HLTF: variants seen among roughly 807,000 people sequenced by gnomAD.
HLTF encodes helicase like transcription factor, also known as DNA-dependent ATPase/E3 ubiquitin-protein ligase HLTF.
A neutral mutation model predicts 129.4 loss-of-function variants in HLTF; 127 were observed. The observed-to-expected ratio is 0.98, with a 90% confidence interval of 0.85 to 1.14. The LOEUF is 1.14. Among genes scored for constraint, HLTF ranks in the 50% most tolerant of loss-of-function variants. HLTF has a pLI of 0.00. For synonymous variants in HLTF, 332 were observed against 388.8 expected (o/e 0.85, Z 1.72); for missense variants, 1,139 against 1,187.1 (o/e 0.96, Z 0.60).
At chr3:149,035,810 G>T (rs1715559397) in intron 23 of HLTF, among the ~76,000 whole-genome samples, 1 of 152,040 alleles carries the variant, frequency 6.6e-6, no homozygotes, top group African/African-American at 2.4e-5. Context: ...AATTAACACA[G>T]ACATGATCAT....
At chr3:149,074,077 CA>C (rs768657274) in intron 4 of HLTF, 137 bp downstream of exon 4, 2 of 714,896 alleles carry the variant, frequency 2.8e-6, no homozygotes, top group Non-Finnish European at 4.3e-6. Context: ...GAGATTTCCT[CA>C]AAAAGACTCC....
intron 8 of HLTF, among the ~76,000 whole-genome samples, chr3:149,066,228 T>C (rs1718371612): frequency 6.6e-6 from 1 of 152,120 alleles, no homozygotes; most frequent in Admixed American, 6.5e-5. Flanking sequence ...GTATTTTCAG[T>C]AGAGACAGGG....
At chr3:149,034,405 G>C (rs1715392241) in intron 24 of HLTF, among the ~76,000 whole-genome samples, 2 of 152,120 alleles carry the variant, frequency 1.3e-5, no homozygotes, top group South Asian at 4.1e-4. Context: ...AAAGTAGAAT[G>C]GTAGTTGCCA....
chr3:149,047,591 A>G (rs1716650786), intron 17 of HLTF, among the ~76,000 whole-genome samples: 1 of 152,142 alleles, frequency 6.6e-6, no homozygotes, highest in Admixed American at 6.6e-5. Flanking sequence ...GCAGTGAGCC[A>G]AGATCGCGCC....
Position 149,039,773 on chromosome 3 carries a change from A to G in HLTF, c.2503-80T>C, listed in dbSNP as rs936621219. The G allele has an allele frequency of 7.7e-6, 6 of 777,250 alleles. No homozygotes were observed. In the African/African-American group the frequency reaches 1.1e-4, roughly 14 times the overall value. The allele number at this position is 777,250 out of a possible 1,614,324, so 48.1% of individuals were successfully genotyped here. On this transcript the variant is annotated intron_variant, in intron 21 of 24. Transcript: ENST00000310053. ...TCTAAAAGTTTTTATCATAAAGAAA[A>G]GGTCCTGAAATGTTATTTCCCTAAA...
chr3:149,039,623 GA>G lies in HLTF; in HGVS notation c.2572del (p.Ser858LeufsTer9). 1.2e-6 allele frequency: 2 copies of G among 1,606,090 alleles called. No individual in the cohort carries two copies. Among genetic ancestry groups the G allele is most frequent in the Non-Finnish European group, 1.7e-6 (2 of 1,175,790 alleles). ...KNPNIKSLVV[S>X]QFTTFLSLIE... The stretch of plus-strand genomic sequence containing the variant: ...TAAAGACAGGAATGTTGTAAACTGA[GA>G]AACAACCAAACTTTTTATGTTGGGA... On this transcript the variant is annotated frameshift_variant, in exon 22 of 25. Transcript: ENST00000310053. LOFTEE classifies it high-confidence loss of function.
At chr3:149,063,590 C>A in intron 9 of HLTF, 66 bp from the exon 10 acceptor site, 1 of 895,780 alleles carries the variant, frequency 1.1e-6, no homozygotes, top group Non-Finnish European at 1.8e-6. Context: ...TATTATCCCT[C>A]TTAAAACCTT....
intron 2 of HLTF, among the ~76,000 whole-genome samples, chr3:149,082,926 C>A (rs2108076299): frequency 6.6e-6 from 1 of 152,234 alleles, no homozygotes; most frequent in Middle Eastern, 3.4e-3. Flanking sequence ...TGATAGACTT[C>A]AGAAGATTTA....
rs889211341 is a variant in HLTF, at chr3:149,041,489, C to T, written c.2376+1G>A. The T allele has an allele frequency of 1.9e-6, 3 of 1,610,492 alleles. No individual in the cohort carries two copies. In the African/African-American group the frequency reaches 4.0e-5, roughly 22 times the overall value. ...GAACCTGTACTGAGCAAAAAACTAA[C>T]CTGCTCATTCTGAATGACTTGGCAA... On this transcript the variant is annotated splice_donor_variant, in intron 20 of 24. Coordinates refer to ENST00000310053, the MANE Select transcript of HLTF (RefSeq NM_003071.4). LOFTEE classifies it high-confidence loss of function.
At chr3:149,075,658 T>C (rs948933030) in intron 3 of HLTF, among the ~76,000 whole-genome samples, 8 of 152,232 alleles carry the variant, frequency 5.3e-5, no homozygotes, top group African/African-American at 1.9e-4. Context: ...AGGTCTATTT[T>C]CTCCATGGTA....
intron 20 of HLTF, among the ~76,000 whole-genome samples, 162 bp downstream of exon 20, chr3:149,041,328 G>C (rs1716116994): frequency 6.6e-6 from 1 of 152,046 alleles, no homozygotes; most frequent in African/African-American, 2.4e-5. Flanking sequence ...TGCAAATGTT[G>C]CATTAGAAGA....
chr3:149,080,413 G>T (rs1239208116), intron 2 of HLTF, among the ~76,000 whole-genome samples: 3 of 145,610 alleles, frequency 2.1e-5, no homozygotes, highest in Non-Finnish European at 3.0e-5. Flanking sequence ...CTCCCAGCAT[G>T]TCTACTGACT....
chr3:149,050,171 C>T (rs1716866617), intron 15 of HLTF, 61 bp downstream of exon 15: 1 of 1,109,320 alleles, frequency 9.0e-7, no homozygotes, highest in Non-Finnish European at 1.3e-6. Context: ...ACTCTAGAAA[C>T]CTGTGGCATA....
At chr3:149,065,763 G>C (rs1718322083) in intron 8 of HLTF, among the ~76,000 whole-genome samples, 2 of 152,114 alleles carry the variant, frequency 1.3e-5, no homozygotes, top group Admixed American at 6.5e-5. Flanking sequence ...TGAGGAGGTG[G>C]AGGTTGTAGT....
chr3:149,032,075 T>C lies in HLTF; in HGVS notation c.*145A>G. 1 of 515,274 alleles carries C rather than the reference T, an allele frequency of 1.9e-6. No individual in the cohort carries two copies. Among genetic ancestry groups the C allele is most frequent in the Non-Finnish European group, 3.2e-6 (1 of 308,878 alleles). The allele number at this position is 515,274 out of a possible 1,614,324, so 31.9% of individuals were successfully genotyped here. ...AAAATAGGTTCATATATAGAAGAAA[T>C]TGTGTCAGTAATACCTCTTCACTAA... On this transcript the variant is annotated 3_prime_UTR_variant, in exon 25 of 25. Transcript: ENST00000310053.
chr3:149,073,016 G>A (rs756420238), intron 5 of HLTF, among the ~76,000 whole-genome samples: 1 of 152,078 alleles, frequency 6.6e-6, no homozygotes, highest in Non-Finnish European at 1.5e-5. Flanking sequence ...GGGTACAAAT[G>A]TTCACGTATG....
At chr3:149,054,252 A>G (rs1289787494) in intron 14 of HLTF, among the ~76,000 whole-genome samples, 1 of 152,182 alleles carries the variant, frequency 6.6e-6, no homozygotes, top group Non-Finnish European at 1.5e-5. Context: ...CTCCAAGAGT[A>G]TGACAGTGAA....
chr3:149,067,019 T>C (rs1576610426), intron 8 of HLTF, among the ~76,000 whole-genome samples: 1 of 152,274 alleles, frequency 6.6e-6, no homozygotes, highest in Middle Eastern at 3.4e-3. Context: ...AAGAAGTATA[T>C]TGCATACATC....
chr3:149,069,041 T>C (rs1330255077), intron 7 of HLTF, among the ~76,000 whole-genome samples: 1 of 152,120 alleles, frequency 6.6e-6, no homozygotes, highest in African/African-American at 2.4e-5. Flanking sequence ...ACATCTGCAC[T>C]AATCCTACAA....
Sources: allele counts gnomAD v4.1 joint callset (sites outside exome capture counted in the v4.1 genomes callset), GRCh38; gene constraint gnomAD v4.1.1; transcripts MANE v1.5; gene names NCBI Gene and HGNC (gene_info 2026-07-23, HGNC 2026-07-21).